Variants in ASIC2 observed in about 807,000 individuals in gnomAD.
ASIC2 encodes the protein acid sensing ion channel subunit 2.
Under a neutral mutation model 57.3 loss-of-function variants are expected in ASIC2, and 25 were observed. That is an observed-to-expected ratio of 0.44 (90% CI 0.32 to 0.61). ASIC2 has a LOEUF of 0.61. Ranked by LOEUF, ASIC2 falls within the 20% of genes least tolerant of loss-of-function variation. The probability of loss-of-function intolerance (pLI) is 0.06; values close to 1 mark genes in which losing one functional copy is unlikely to be tolerated. For missense variants in ASIC2, 641 were observed against 738.1 expected, an observed-to-expected ratio of 0.87 and a Z score of 1.52; for synonymous variants, 319 against 307.5, an observed-to-expected ratio of 1.04 and a Z score of -0.39.
intron 1 of ASIC2, among the ~76,000 whole-genome samples, chr17:33,927,962 GATA>G (rs1915857255): frequency 6.6e-6 from 1 of 152,178 alleles, no homozygotes; most frequent in Non-Finnish European, 1.5e-5. Flanking sequence ...TCAGCTGTTT[GATA>G]ATATTTGTCC....
chr17:33,356,954 T>G (rs868259743), intron 1 of ASIC2, among the ~76,000 whole-genome samples: 21 of 152,124 alleles, frequency 1.4e-4, no homozygotes, highest in Admixed American at 3.3e-4. Context: ...TTTCCTCATC[T>G]TCCAACAGGG....
chr17:33,264,501 A>T, intron 1 of ASIC2, among the ~76,000 whole-genome samples: 1 of 152,244 alleles, frequency 6.6e-6, no homozygotes, highest in Middle Eastern at 3.2e-3. Context: ...AATGAAATGC[A>T]AGCTGCCTAA....
intron 1 of ASIC2, among the ~76,000 whole-genome samples, chr17:33,749,233 TTCCC>T (rs72402770): frequency 0.012 from 1,753 of 152,110 alleles, 32 homozygotes; most frequent in African/African-American, 0.039. Context: ...TCAGGACCCT[TTCCC>T]TCCCTTTCCC....
At chr17:33,846,362 C>A (rs193066109) in intron 1 of ASIC2, among the ~76,000 whole-genome samples, 1 of 152,300 alleles carries the variant, frequency 6.6e-6, no homozygotes, top group East Asian at 1.9e-4. Flanking sequence ...CCACTTGCTT[C>A]ACCTGCCCAG....
At chr17:33,231,272 C>G (rs547041421) in intron 1 of ASIC2, among the ~76,000 whole-genome samples, 3 of 152,228 alleles carry the variant, frequency 2.0e-5, no homozygotes, top group Non-Finnish European at 2.9e-5. Context: ...GTAAATGTAT[C>G]TCCATGCCTC....
At chr17:33,269,710 C>T (rs1597659418) in intron 1 of ASIC2, among the ~76,000 whole-genome samples, 1 of 71,528 alleles carries the variant, frequency 1.4e-5, no homozygotes, top group Non-Finnish European at 2.9e-5. Flanking sequence ...TGCCTGCCTG[C>T]CTTTCCTCCC....
chr17:33,088,837 C>A, intron 3 of ASIC2, 26 bp downstream of exon 3: 1 of 1,594,058 alleles, frequency 6.3e-7, no homozygotes, highest in Non-Finnish European at 8.5e-7. Flanking sequence ...TGAGGACCAT[C>A]AATCCTGGGA....
At chr17:34,091,805 G>A (rs965563840) in intron 1 of ASIC2, among the ~76,000 whole-genome samples, 1 of 152,208 alleles carries the variant, frequency 6.6e-6, no homozygotes, top group African/African-American at 2.4e-5. Flanking sequence ...AGTGTAAAGA[G>A]TATGTACAGG....
chr17:33,321,426 T>C (rs2142215809), intron 1 of ASIC2, among the ~76,000 whole-genome samples: 1 of 152,288 alleles, frequency 6.6e-6, no homozygotes, highest in South Asian at 2.1e-4. Context: ...TGCACAGCAT[T>C]TTTGTGTCAG....
At chr17:33,076,070 T>C (rs888182493) in intron 3 of ASIC2, among the ~76,000 whole-genome samples, 1 of 152,232 alleles carries the variant, frequency 6.6e-6, no homozygotes, top group African/African-American at 2.4e-5. Flanking sequence ...GCATGGTGAC[T>C]GGCACTGCTA....
chr17:33,151,730 C>T (rs763285649), intron 1 of ASIC2, among the ~76,000 whole-genome samples: 17 of 152,304 alleles, frequency 1.1e-4, no homozygotes, highest in Non-Finnish European at 2.1e-4. Context: ...CTTGCCTGTC[C>T]TCCTTCTGCC....
intron 1 of ASIC2, among the ~76,000 whole-genome samples, chr17:33,571,817 G>A (rs1186676650): frequency 6.6e-6 from 1 of 152,076 alleles, no homozygotes; most frequent in African/African-American, 2.4e-5. Flanking sequence ...ATGTGTGCTG[G>A]GTGCACATTT....
chr17:34,085,146 G>A (rs1355284665), intron 1 of ASIC2, among the ~76,000 whole-genome samples: 1 of 152,162 alleles, frequency 6.6e-6, no homozygotes, highest in Non-Finnish European at 1.5e-5. Flanking sequence ...TCCAGTTTTT[G>A]CCCATTTAGT....
At chr17:34,148,279 G>A (rs1315838336) in intron 1 of ASIC2, among the ~76,000 whole-genome samples, 4 of 152,152 alleles carry the variant, frequency 2.6e-5, no homozygotes, top group Non-Finnish European at 4.4e-5. Flanking sequence ...CATCAAAATA[G>A]TCAGCTCTCA....
At chr17:33,107,273 C>G (rs943734383) in intron 2 of ASIC2, among the ~76,000 whole-genome samples, 3 of 152,194 alleles carry the variant, frequency 2.0e-5, no homozygotes, top group Non-Finnish European at 4.4e-5. Flanking sequence ...GTGAGCTTTT[C>G]CATGAAAACG....
At chr17:33,465,959 CAG>C (rs1244095428) in intron 1 of ASIC2, among the ~76,000 whole-genome samples, 1 of 152,106 alleles carries the variant, frequency 6.6e-6, no homozygotes, top group African/African-American at 2.4e-5. Context: ...AGGATAAAGC[CAG>C]AGAGAGTGTA....
At chr17:33,024,156 G>C (rs985122420) in intron 5 of ASIC2, 142 bp from the exon 6 acceptor site, 12 of 1,111,140 alleles carry the variant, frequency 1.1e-5, no homozygotes, top group Middle Eastern at 3.0e-4. Flanking sequence ...GGATTGTGGA[G>C]AGAGGGGAAC....
rs976443700 is a variant in ASIC2 at position 33,703,137 on chromosome 17, G to A, written c.555+452841C>T. On this transcript the variant is annotated intron_variant, in intron 1 of 9. Transcript: ENST00000359872. ...AGGCAGATGGGATAGCAAGTGCAAA[G>A]TTCCTTTGGTTTGTTTGAAGAATGG... Among the ~76,000 whole-genome samples, 6 of 152,194 alleles carry A rather than the reference G, an allele frequency of 3.9e-5. No individual in the cohort carries two copies. In the South Asian group the frequency reaches 1.2e-3, roughly 32 times the overall value.
chr17:33,231,676 T>C (rs371634), intron 1 of ASIC2, among the ~76,000 whole-genome samples: 108,713 of 151,876 alleles, frequency 0.72, 39,179 homozygotes, highest in Middle Eastern at 0.81. Flanking sequence ...TGATCAGGGT[T>C]CTGGAACTGC....
Sources: gnomAD v4.1 joint callset for allele counts (sites outside exome capture counted in the v4.1 genomes callset) on GRCh38, gnomAD v4.1.1 for gene constraint, MANE v1.5 for transcripts, NCBI Gene and HGNC (gene_info 2026-07-23, HGNC 2026-07-21) for gene names.